Variants in BIRC6 observed in about 807,000 individuals in gnomAD.
The protein encoded by BIRC6 is dual E2 ubiquitin-conjugating enzyme/E3 ubiquitin-protein ligase BIRC6.
Under a neutral mutation model 503.3 loss-of-function variants are expected in BIRC6, and 98 were observed. That is an observed-to-expected ratio of 0.19 (90% CI 0.17 to 0.23). The LOEUF (loss-of-function observed/expected upper bound fraction) is 0.23, where lower values mean the gene tolerates loss of function less well. Among genes scored for constraint, BIRC6 ranks in the 10% least tolerant of loss-of-function variants. The pLI, the probability that BIRC6 is intolerant of heterozygous loss-of-function variation, is 1.00. For missense variants in BIRC6, 5,360 were observed against 5,806.0 expected, an observed-to-expected ratio of 0.92 and a Z score of 2.50; for synonymous variants, 2,240 against 2,078.7, an observed-to-expected ratio of 1.08 and a Z score of -2.11.
chr2:32,506,610 A>G (rs1298114393), intron 50 of BIRC6, among the ~76,000 whole-genome samples: 1 of 152,262 alleles, frequency 6.6e-6, no homozygotes, highest in Admixed American at 6.5e-5. Flanking sequence ...TCATATGGGA[A>G]TTGAAACAGG....
At chr2:32,488,843 T>C in intron 42 of BIRC6, 129 bp downstream of exon 42, 1 of 655,344 alleles carries the variant, frequency 1.5e-6, no homozygotes, top group South Asian at 3.3e-5. Context: ...ACAGAATACC[T>C]TTTTAAAAAG....
chr2:32,565,133 T>C (rs2059444678), intron 65 of BIRC6: 3 of 152,230 alleles, frequency 2.0e-5, no homozygotes, highest in South Asian at 4.1e-4. Flanking sequence ...TTCCCTCTCA[T>C]GCTAGCAAGA....
intron 61 of BIRC6, among the ~76,000 whole-genome samples, 175 bp from the exon 62 acceptor site, chr2:32,543,066 C>G (rs1407373809): frequency 6.6e-6 from 1 of 152,186 alleles, no homozygotes; most frequent in African/African-American, 2.4e-5. Flanking sequence ...TCCCAAAGTG[C>G]TGGGATAACA....
At chr2:32,478,230 G>A (rs939374938) in intron 35 of BIRC6, among the ~76,000 whole-genome samples, 3 of 151,888 alleles carry the variant, frequency 2.0e-5, no homozygotes, top group Non-Finnish European at 4.4e-5. Flanking sequence ...CCAGTTACTC[G>A]GGAGGCTGAG....
intron 20 of BIRC6, among the ~76,000 whole-genome samples, chr2:32,444,031 G>GTTTTTTTTTTTTTTTT (rs776568064): frequency 2.9e-5 from 4 of 136,884 alleles, no homozygotes; most frequent in African/African-American, 1.1e-4. Flanking sequence ...GGGACCAGTG[G>GTTTTTTTTTTTTTTTT]TTTTTTTTTT....
chr2:32,393,373 T>C (rs535221987), intron 5 of BIRC6, among the ~76,000 whole-genome samples: 1 of 152,286 alleles, frequency 6.6e-6, no homozygotes, highest in East Asian at 1.9e-4. Context: ...AAAATGATTT[T>C]AGCTAGATGT....
Position 32,479,528 on chromosome 2 carries a change from C to T in BIRC6, c.7319C>T (p.Ala2440Val), listed in dbSNP as rs1298167873. Reference protein sequence around the residue: ...EEGTVGDDVGATAGDSDDSLQ... With the variant: ...EEGTVGDDVGVTAGDSDDSLQ... ...GGAACAGTGGGTGATGATGTAGGTG[C>T]GACAGCTGGTGACTCTGATGACTCC... Residue 2440 changes from alanine to valine, a missense_variant, in exon 37 of 74, where the codon GCG becomes GTG. Coordinates refer to ENST00000421745, the MANE Select transcript of BIRC6 (RefSeq NM_016252.4). 1.1e-5 allele frequency: 18 copies of T among 1,605,648 alleles called. No individual in the cohort carries two copies. Among genetic ancestry groups the T allele is most frequent in the East Asian group, 9.0e-5 (4 of 44,638 alleles).
In BIRC6 at chr2:32,436,185, G is replaced by A; in HGVS notation, c.3631+1G>A. On this transcript the variant is annotated splice_donor_variant, in intron 15 of 73. Transcript: ENST00000421745. LOFTEE classifies it high-confidence loss of function. ...TTAACAAGCCCCAAACTTGTTAAAG[G>A]TGAAGTAATACATTTTACAAAAGCA... is the stretch of plus-strand genomic sequence containing the variant. 7.0e-7 allele frequency: 1 copy of A among 1,425,860 alleles called. No individual in the cohort carries two copies. Among genetic ancestry groups the A allele is most frequent in the Non-Finnish European group, 9.3e-7 (1 of 1,071,116 alleles). 88.3% of individuals were successfully genotyped at this position (1,425,860 alleles called of 1,614,324 possible). A position where few individuals can be genotyped will look rare whatever the true frequency, so the allele number is the denominator to read the frequency against.
At chr2:32,370,913 C>CT (rs1251170591) in intron 1 of BIRC6, among the ~76,000 whole-genome samples, 1 of 152,044 alleles carries the variant, frequency 6.6e-6, no homozygotes, top group Non-Finnish European at 1.5e-5. Context: ...TAATGTATTT[C>CT]TTGTAACATT....
intron 1 of BIRC6, among the ~76,000 whole-genome samples, chr2:32,377,213 A>ATT (rs150659120): frequency 6.9e-5 from 10 of 144,152 alleles, no homozygotes; most frequent in African/African-American, 2.3e-4. Flanking sequence ...CTTAATATAT[A>ATT]TGTGTGTGTG....
At chr2:32,549,187 CAT>C (rs1282953870) in intron 64 of BIRC6, 124 bp from the exon 65 acceptor site, 5 of 583,576 alleles carry the variant, frequency 8.6e-6, no homozygotes, top group Admixed American at 4.0e-5. Flanking sequence ...TATTTTAAAA[CAT>C]AGTATAAGAT....
intron 66 of BIRC6, among the ~76,000 whole-genome samples, chr2:32,578,591 T>A (rs2060423848): frequency 6.6e-6 from 1 of 151,670 alleles, no homozygotes; most frequent in East Asian, 1.9e-4. Flanking sequence ...AGGCCAGGAG[T>A]TCTAGACCAG....
In BIRC6 at chr2:32,513,135, C is replaced by T. The variant is rs758891031; in HGVS notation, c.10549C>T (p.Leu3517=). The T allele has an allele frequency of 1.9e-6, 3 of 1,613,396 alleles. No homozygotes were observed. In the East Asian group the frequency reaches 6.7e-5, roughly 36 times the overall value. ...LLVEYDLPAL[L]DQELFELLFN... ...TGTAGAATATGACTTACCAGCACTCCTGGACCAAGAGCTCTTTGAGTAAGT... is the reference window on the plus strand; with the variant it reads ...TGTAGAATATGACTTACCAGCACTCTTGGACCAAGAGCTCTTTGAGTAAGT... The change falls in exon 54 of 74, where the codon CTG becomes TTG. Residue 3517 remains leucine, a synonymous_variant. Transcript: ENST00000421745.
chr2:32,395,681 T>C, intron 6 of BIRC6, 88 bp downstream of exon 6: 3 of 1,067,268 alleles, frequency 2.8e-6, no homozygotes. Flanking sequence ...ATGATATAAT[T>C]TTTTGCCTTT....
At chr2:32,465,208 T>C in intron 26 of BIRC6, 44 bp downstream of exon 26, 2 of 1,009,558 alleles carry the variant, frequency 2.0e-6, no homozygotes, top group Non-Finnish European at 2.8e-6. Flanking sequence ...TTTTTTTGCT[T>C]AGTCTGCCGG....
intron 22 of BIRC6, among the ~76,000 whole-genome samples, chr2:32,449,813 T>C (rs1367940471): frequency 6.6e-6 from 1 of 152,228 alleles, no homozygotes; most frequent in African/African-American, 2.4e-5. Flanking sequence ...CAACCTGTAT[T>C]CGTTAATATA....
At chr2:32,447,376 G>C (rs1341180667) in intron 21 of BIRC6, among the ~76,000 whole-genome samples, 3 of 146,074 alleles carry the variant, frequency 2.1e-5, no homozygotes, top group African/African-American at 7.7e-5. Context: ...CTGGCCGGGC[G>C]GGGGGCTGAT....
chr2:32,463,565 T>C (rs1294402785), intron 24 of BIRC6, among the ~76,000 whole-genome samples, 184 bp downstream of exon 24: 5 of 152,200 alleles, frequency 3.3e-5, no homozygotes, highest in Non-Finnish European at 7.3e-5. Flanking sequence ...TATGAATACA[T>C]CTTATTTGAT....
At chr2:32,543,173 T>G in intron 61 of BIRC6, 68 bp from the exon 62 acceptor site, 1 of 1,430,796 alleles carries the variant, frequency 7.0e-7, no homozygotes, top group East Asian at 2.3e-5. Context: ...CATTTAAAGT[T>G]AAGTCTTTAC....
Sources: gnomAD v4.1 joint callset for allele counts (sites outside exome capture counted in the v4.1 genomes callset) on GRCh38, gnomAD v4.1.1 for gene constraint, MANE v1.5 for transcripts, NCBI Gene and HGNC (gene_info 2026-07-23, HGNC 2026-07-21) for gene names.